The following UGT1A8 variants were observed in gnomAD, a reference collection of about 807,000 sequenced individuals.
UGT1A8 encodes the protein UDP-glucuronosyltransferase 1A8.
UGT1A8 carries 39 observed loss-of-function variants against 45.3 expected under a neutral mutation model. The ratio of observed to expected loss-of-function variants is 0.86; its 90% confidence interval spans 0.67 to 1.12. The LOEUF (loss-of-function observed/expected upper bound fraction) is 1.12. UGT1A8 is among the 50% of genes most tolerant of loss of function. The pLI is 0.00. For missense variants in UGT1A8, 719 were observed against 664.9 expected (o/e 1.08, Z -0.90); for synonymous variants, 275 against 249.2 (o/e 1.10, Z -0.97).
intron 1 of UGT1A8, chr2:233,747,968 A>G: frequency 6.2e-7 from 1 of 1,613,402 alleles, no homozygotes; most frequent in African/African-American, 1.3e-5. Context: ...TCAGCCATGC[A>G]TCTGTGTGGC....
intron 1 of UGT1A8, among the ~76,000 whole-genome samples, chr2:233,661,623 TTTTCTTTCTTTC>T (rs55749169): frequency 0.021 from 2,594 of 124,016 alleles, 49 homozygotes; most frequent in Admixed American, 0.062. Flanking sequence ...ACTTACTGAA[TTTTCTTTCTTTC>T]TTTCTTTCTT....
chr2:233,680,277 A>G (rs1422864555), intron 1 of UGT1A8, among the ~76,000 whole-genome samples: 1 of 152,208 alleles, frequency 6.6e-6, no homozygotes, highest in African/African-American at 2.4e-5. Context: ...CAGTAGAACC[A>G]TAAGAGATCA....
In UGT1A8 at chr2:233,693,946, CTG is replaced by C. The variant is rs2075190612; in HGVS notation, c.856-73086_856-73085del. The C allele has an allele frequency of 2.5e-6, 4 of 1,598,736 alleles. No individual in the cohort carries two copies. The Admixed American group carries it at 6.8e-5, about 27-fold the overall frequency. The stretch of plus-strand genomic sequence containing the variant: ...TCACTCATTTGGCTCCTTGAGCCGA[CTG>C]TCCCTTGGAGGATTTCCTGGAGAAA... On this transcript the variant is annotated intron_variant, in intron 1 of 4. Coordinates refer to ENST00000373450, the MANE Select transcript of UGT1A8 (RefSeq NM_019076.5).
chr2:233,619,923 G>A (rs1336842693), intron 1 of UGT1A8, among the ~76,000 whole-genome samples: 2 of 152,140 alleles, frequency 1.3e-5, no homozygotes, highest in Admixed American at 6.5e-5. Flanking sequence ...AGTTTAAATA[G>A]GGATTTGGTA....
At chr2:233,752,054 T>C (rs778755699) in intron 1 of UGT1A8, among the ~76,000 whole-genome samples, 4 of 152,312 alleles carry the variant, frequency 2.6e-5, no homozygotes, top group South Asian at 4.2e-4. Flanking sequence ...GTGTGAATGA[T>C]TTCCCGAGAT....
In UGT1A8 at chr2:233,769,378, G is replaced by A. The variant is rs986725274; in HGVS notation, c.1295+939G>A. Reference sequence around the variant, plus strand: ...TGGTGGCCAGTGGTAGATTTCATCCGACAATAGATACTGTGTGCATATGTG... The same window carrying A: ...TGGTGGCCAGTGGTAGATTTCATCCAACAATAGATACTGTGTGCATATGTG... On this transcript the variant is annotated intron_variant, in intron 4 of 4. Coordinates refer to ENST00000373450, the MANE Select transcript of UGT1A8 (RefSeq NM_019076.5). This position sits in a 1 kb window ranked among gnomAD's most constrained non-coding sequence, Gnocchi z 4.4. Among the ~76,000 whole-genome samples, 7 of 152,200 alleles carry A rather than the reference G, an allele frequency of 4.6e-5. No individual in the cohort carries two copies. Among genetic ancestry groups the A allele is most frequent in the African/African-American group, 7.2e-5 (3 of 41,448 alleles).
intron 1 of UGT1A8, among the ~76,000 whole-genome samples, chr2:233,724,420 G>A (rs1396792043): frequency 4.4e-5 from 6 of 135,614 alleles, no homozygotes; most frequent in African/African-American, 1.4e-4. Flanking sequence ...GCTGCCGGGC[G>A]GAGAGGCTCC....
chr2:233,658,255 G>A (rs1295281320), intron 1 of UGT1A8, among the ~76,000 whole-genome samples: 1 of 152,122 alleles, frequency 6.6e-6, no homozygotes, highest in African/African-American at 2.4e-5. Flanking sequence ...CTGACCTCAA[G>A]AGACCCACGG....
chr2:233,629,022 G>A (rs959378619), intron 1 of UGT1A8, among the ~76,000 whole-genome samples: 3 of 151,896 alleles, frequency 2.0e-5, no homozygotes, highest in Admixed American at 6.6e-5. Flanking sequence ...TATTGAGTAC[G>A]TTCACATTGC....
At chr2:233,744,436 C>G (rs183534266) in intron 1 of UGT1A8, among the ~76,000 whole-genome samples, 10 of 151,926 alleles carry the variant, frequency 6.6e-5, no homozygotes. Context: ...ATCTATCATA[C>G]GTACTGCATT....
In UGT1A8 at chr2:233,769,791, G is replaced by A; in HGVS notation, c.1295+1352G>A. 5 of 1,267,464 alleles carry A rather than the reference G, an allele frequency of 3.9e-6. No individual in the cohort carries two copies. The South Asian group carries it at 8.7e-5, about 22-fold the overall frequency. The allele number at this position is 1,267,464 out of a possible 1,614,324, so 78.5% of individuals were successfully genotyped here. On this transcript the variant is annotated intron_variant, in intron 4 of 4. Transcript: ENST00000373450. The surrounding 1 kb of genome is among the most constrained non-coding windows in gnomAD (Gnocchi z 4.4). ...GATTGCTTGAGCCCAGAAGTTGGAG[G>A]CTGCTATGAGCCGTGATCATGCCAC...
Position 233,618,543 on chromosome 2 carries a change from A to T in UGT1A8, c.836A>T (p.Gln279Leu). Residue 279 changes from glutamine (Q) to leucine (L), a missense_variant, in exon 1 of 5, where the codon CAG becomes CTG. By Grantham distance (113) the Gln-to-Leu change is moderately radical (BLOSUM62 -2). Transcript: ENST00000373450. ...TTCATTGGTGGTATCAACTGCCATC[A>T]GGGAAAGCCATTGCCTATGGTAAGT... ...MIFIGGINCH[Q>L]GKPLPMEFEA... is the part of the protein sequence containing the mutation. 3 of 1,613,756 alleles carry T rather than the reference A, an allele frequency of 1.9e-6. No homozygotes were observed. Among genetic ancestry groups the T allele is most frequent in the Non-Finnish European group, 2.5e-6 (3 of 1,179,690 alleles).
intron 1 of UGT1A8, among the ~76,000 whole-genome samples, chr2:233,671,504 C>T (rs2074190665): frequency 6.6e-6 from 1 of 152,212 alleles, no homozygotes; most frequent in Non-Finnish European, 1.5e-5. Context: ...CATGAGTTGC[C>T]ATCTTCTCTG....
intron 1 of UGT1A8, among the ~76,000 whole-genome samples, chr2:233,665,855 T>C (rs2074066728): frequency 6.6e-6 from 1 of 152,174 alleles, no homozygotes; most frequent in Admixed American, 6.6e-5. Flanking sequence ...TTTAAGAATT[T>C]GCCAGACAAT....
chr2:233,622,075 G>C (rs886663725), intron 1 of UGT1A8, among the ~76,000 whole-genome samples: 1 of 152,074 alleles, frequency 6.6e-6, no homozygotes, highest in African/African-American at 2.4e-5. Context: ...CTTTTTTATG[G>C]CTGCATAGTA....
intron 1 of UGT1A8, among the ~76,000 whole-genome samples, chr2:233,687,049 C>T (rs1461225199): frequency 6.6e-6 from 1 of 152,186 alleles, no homozygotes; most frequent in Non-Finnish European, 1.5e-5. Flanking sequence ...AGCACGCGGA[C>T]CCTGGAGTCC....
chr2:233,770,451 C>T (rs565936223), intron 4 of UGT1A8: 5 of 152,088 alleles, frequency 3.3e-5, no homozygotes, highest in Admixed American at 1.3e-4. Flanking sequence ...GTTAGGAGTT[C>T]GAAACCAACC....
At chr2:233,672,719 C>T in intron 1 of UGT1A8, 1 of 1,613,880 alleles carries the variant, frequency 6.2e-7, no homozygotes, top group Non-Finnish European at 8.5e-7. Flanking sequence ...TTGGACTATC[C>T]CAAACCCGTG....
intron 1 of UGT1A8, among the ~76,000 whole-genome samples, chr2:233,731,282 T>C (rs1433914166): frequency 1.4e-5 from 2 of 144,984 alleles, no homozygotes; most frequent in African/African-American, 2.6e-5. Context: ...CAGTTTTTCT[T>C]TCTTTTTTTT....
Sources: gnomAD v4.1 joint callset for allele counts (sites outside exome capture counted in the v4.1 genomes callset) on GRCh38, gnomAD v4.1.1 for gene constraint, Gnocchi (gnomAD v3.1) non-coding constraint, MANE v1.5 for transcripts, NCBI Gene and HGNC (gene_info 2026-07-23, HGNC 2026-07-21) for gene names.